RNF182: variants seen among roughly 807,000 people sequenced by gnomAD.
RNF182 encodes ring finger protein 182, also known as E3 ubiquitin-protein ligase RNF182.
Under a neutral mutation model 14.4 loss-of-function variants are expected in RNF182, and 15 were observed. The ratio of observed to expected loss-of-function variants is 1.04; its 90% CI spans 0.70 to 1.60. The LOEUF is 1.60. Among genes scored for constraint, RNF182 ranks in the 40% most tolerant of loss-of-function variants. The pLI is 0.00. For missense variants in RNF182, 268 were observed against 294.8 expected, an observed-to-expected ratio of 0.91 and a Z score of 0.67; for synonymous variants, 128 against 122.9, an observed-to-expected ratio of 1.04 and a Z score of -0.27.
At chr6:13,939,954 A>G (rs1387146129) in intron 1 of RNF182, among the ~76,000 whole-genome samples, 1 of 152,232 alleles carries the variant, frequency 6.6e-6, no homozygotes, top group African/African-American at 2.4e-5. Flanking sequence ...ACATCACTGT[A>G]TGTGATGAAT....
intron 1 of RNF182, among the ~76,000 whole-genome samples, chr6:13,931,355 G>A (rs1402298774): frequency 6.6e-6 from 1 of 152,166 alleles, no homozygotes; most frequent in Non-Finnish European, 1.5e-5. Flanking sequence ...ATATCCCCCA[G>A]GCTAAATTCC....
intron 1 of RNF182, among the ~76,000 whole-genome samples, chr6:13,953,378 G>T (rs1190265266): frequency 6.6e-6 from 1 of 152,208 alleles, no homozygotes; most frequent in African/African-American, 2.4e-5. Context: ...CCCTGGGTGT[G>T]TGTGTATGGT....
Position 13,956,294 on chromosome 6 carries a change from T to C in RNF182, c.-366-17916T>C, listed in dbSNP as rs1166035923. Among the ~76,000 whole-genome samples the C allele has an allele frequency of 2.6e-5, 4 of 152,010 alleles. No homozygotes were observed. In the East Asian group the frequency reaches 7.7e-4, roughly 29 times the overall value. ...ACACTGTCTCTGCTTTGGCCTAATA[T>C]ATCCTGACTGTTCTTTGCTTTTTTT... On this transcript the variant is annotated intron_variant, in intron 1 of 2. Transcript: ENST00000488300.
intron 1 of RNF182, among the ~76,000 whole-genome samples, chr6:13,950,806 AT>A (rs770225110): frequency 6.7e-6 from 1 of 148,766 alleles, no homozygotes; most frequent in African/African-American, 2.5e-5. Context: ...CTCCCCCTTT[AT>A]TTTTTTTGAG....
rs1371400334 is a variant in RNF182, at chr6:13,979,273, C to T, written c.*1410C>T. Reference sequence around the variant, plus strand: ...ACAAGTTGGCAAAATAGACTGTTCACAGAAACTAGGCAAAAATTTAAAAAA... The same window carrying T: ...ACAAGTTGGCAAAATAGACTGTTCATAGAAACTAGGCAAAAATTTAAAAAA... On this transcript the variant is annotated 3_prime_UTR_variant, in exon 3 of 3. Transcript: ENST00000488300. The T allele has an allele frequency of 6.0e-6, 1 of 166,130 alleles. No individual in the cohort carries two copies. Among genetic ancestry groups the T allele is most frequent in the East Asian group, 1.9e-4 (1 of 5,200 alleles). The allele number at this position is 166,130 out of a possible 1,614,324, so 10.3% of individuals were successfully genotyped here.
chr6:13,941,196 A>G (rs575195598), intron 1 of RNF182, among the ~76,000 whole-genome samples: 1 of 152,188 alleles, frequency 6.6e-6, no homozygotes, highest in Admixed American at 6.5e-5. Flanking sequence ...GAATTTTTCT[A>G]CCTTTCATTC....
At chr6:13,928,743 G>A (rs1039723289) in intron 1 of RNF182, among the ~76,000 whole-genome samples, 1 of 151,990 alleles carries the variant, frequency 6.6e-6, no homozygotes, top group South Asian at 2.1e-4. Flanking sequence ...TCTTATAATC[G>A]GTTGAAGTGA....
chr6:13,958,246 T>A (rs1585041823), intron 1 of RNF182, among the ~76,000 whole-genome samples: 2 of 151,806 alleles, frequency 1.3e-5, no homozygotes, highest in Admixed American at 1.3e-4. Context: ...GTTAGCTGGG[T>A]GTGGTGGTGT....
At chr6:13,932,291 A>G (rs892997701) in intron 1 of RNF182, among the ~76,000 whole-genome samples, 2 of 152,206 alleles carry the variant, frequency 1.3e-5, no homozygotes, top group Non-Finnish European at 2.9e-5. Flanking sequence ...TTTCAGGTAG[A>G]AACAAAAATC....
chr6:13,970,595 T>C (rs533509231), intron 1 of RNF182, among the ~76,000 whole-genome samples: 5 of 152,326 alleles, frequency 3.3e-5, no homozygotes, highest in Non-Finnish European at 7.3e-5. Flanking sequence ...TTTCTTTGGA[T>C]AGATACCAAG....
chr6:13,955,996 GC>G (rs1759719640), intron 1 of RNF182, among the ~76,000 whole-genome samples: 1 of 152,058 alleles, frequency 6.6e-6, no homozygotes, highest in African/African-American at 2.4e-5. Context: ...ATTTCCATGG[GC>G]TAAAACTTTT....
At chr6:13,941,382 T>C (rs1759295015) in intron 1 of RNF182, among the ~76,000 whole-genome samples, 1 of 152,152 alleles carries the variant, frequency 6.6e-6, no homozygotes, top group Middle Eastern at 3.2e-3. Context: ...TGTTAGTTGG[T>C]TAGTGTTTGC....
At chr6:13,963,005 C>A (rs954651169) in intron 1 of RNF182, among the ~76,000 whole-genome samples, 9 of 152,162 alleles carry the variant, frequency 5.9e-5, no homozygotes, top group Admixed American at 5.9e-4. Context: ...CTTATTTTGA[C>A]TTTTTTTGTC....
At chr6:13,963,297 A>C (rs1281328218) in intron 1 of RNF182, among the ~76,000 whole-genome samples, 1 of 152,224 alleles carries the variant, frequency 6.6e-6, no homozygotes, top group Non-Finnish European at 1.5e-5. Flanking sequence ...GGTAGGCATG[A>C]TACTCATTGA....
intron 1 of RNF182, among the ~76,000 whole-genome samples, chr6:13,973,855 C>T (rs1317679164): frequency 2.6e-5 from 4 of 152,142 alleles, no homozygotes; most frequent in African/African-American, 9.7e-5. Flanking sequence ...AAGCTTGCAC[C>T]CCTAAATGCT....
rs904862770 is a variant in RNF182, at chr6:13,979,218, T to C, written c.*1355T>C. The C allele has an allele frequency of 6.0e-6, 1 of 166,790 alleles. No individual in the cohort carries two copies. Among genetic ancestry groups the C allele is most frequent in the African/African-American group, 2.4e-5 (1 of 41,414 alleles). The allele number at this position is 166,790 out of a possible 1,614,324, so 10.3% of individuals were successfully genotyped here. Reference sequence around the variant, plus strand: ...TGATGTAGGGAAAGTTGAATGTATATATTTCTAAGAAGAATTTGTTTAGCA... The same window carrying C: ...TGATGTAGGGAAAGTTGAATGTATACATTTCTAAGAAGAATTTGTTTAGCA... On this transcript the variant is annotated 3_prime_UTR_variant, in exon 3 of 3. Coordinates refer to ENST00000488300, the MANE Select transcript of RNF182 (RefSeq NM_152737.4).
At chr6:13,971,877 G>C (rs1760193717) in intron 1 of RNF182, among the ~76,000 whole-genome samples, 1 of 152,202 alleles carries the variant, frequency 6.6e-6, no homozygotes, top group Admixed American at 6.5e-5. Flanking sequence ...TGAGAGAGAT[G>C]ATTTAGGGTA....
chr6:13,944,533 TC>T (rs1033342925), intron 1 of RNF182, among the ~76,000 whole-genome samples: 1 of 152,084 alleles, frequency 6.6e-6, no homozygotes, highest in African/African-American at 2.4e-5. Flanking sequence ...AAGGAGAGGG[TC>T]TTTGTCAATA....
chr6:13,946,573 A>T (rs942390979), intron 1 of RNF182, among the ~76,000 whole-genome samples: 2 of 152,198 alleles, frequency 1.3e-5, no homozygotes, highest in African/African-American at 4.8e-5. Context: ...GGGTCTGTTC[A>T]GTAAACATTA....
Sources: gnomAD v4.1 joint callset for allele counts (sites outside exome capture counted in the v4.1 genomes callset) on GRCh38, gnomAD v4.1.1 for gene constraint, MANE v1.5 for transcripts, NCBI Gene and HGNC (gene_info 2026-07-23, HGNC 2026-07-21) for gene names.